The following DTNB variants were observed in gnomAD, a reference collection of about 807,000 sequenced individuals.
DTNB encodes DTN-B.
DTNB carries 63 observed loss-of-function variants against 90.7 expected under a neutral mutation model. That is an observed-to-expected ratio of 0.69 (90% CI 0.57 to 0.86). The LOEUF is 0.86. Ranked by LOEUF, DTNB falls within the 40% of genes least tolerant of loss-of-function variation. The pLI is 0.00. For synonymous variants in DTNB, 277 were observed against 286.7 expected (o/e 0.97, Z 0.34); for missense variants, 744 against 807.1 (o/e 0.92, Z 0.95).
intron 3 of DTNB, among the ~76,000 whole-genome samples, chr2:25,636,687 C>T (rs1017044182): frequency 5.3e-5 from 8 of 152,104 alleles, no homozygotes; most frequent in African/African-American, 1.9e-4. Flanking sequence ...CACATAGATA[C>T]ATCCAGATAT....
intron 8 of DTNB, among the ~76,000 whole-genome samples, chr2:25,542,763 G>C (rs992641687): frequency 6.6e-6 from 1 of 152,072 alleles, no homozygotes; most frequent in Admixed American, 6.6e-5. Flanking sequence ...CGCTGTTTTA[G>C]AAATTTGTTA....
intron 16 of DTNB, among the ~76,000 whole-genome samples, chr2:25,416,812 G>GGAAGGAAGGAAA (rs1553349432): frequency 1.7e-5 from 2 of 118,340 alleles, no homozygotes; most frequent in African/African-American, 6.1e-5. Context: ...AACGAAGGAA[G>GGAAGGAAGGAAA]GAAGGAAGGA....
chr2:25,590,748 G>A (rs1222594221), intron 6 of DTNB, among the ~76,000 whole-genome samples: 2 of 152,218 alleles, frequency 1.3e-5, no homozygotes, highest in Non-Finnish European at 2.9e-5. Flanking sequence ...GCCATGGGTA[G>A]GCTTGGAAAA....
chr2:25,521,115 G>T (rs954314596), intron 9 of DTNB, among the ~76,000 whole-genome samples: 1 of 152,044 alleles, frequency 6.6e-6, no homozygotes, highest in Non-Finnish European at 1.5e-5. Context: ...TATCTTCACC[G>T]CTGCGTGAAA....
chr2:25,479,360 AC>A (rs2150363278), intron 10 of DTNB, among the ~76,000 whole-genome samples: 1 of 152,330 alleles, frequency 6.6e-6, no homozygotes, highest in South Asian at 2.1e-4. Context: ...AGAGGTCTAG[AC>A]GCGGGCCTCC....
chr2:25,408,886 C>T (rs1025603750), intron 16 of DTNB, among the ~76,000 whole-genome samples: 10 of 152,130 alleles, frequency 6.6e-5, no homozygotes, highest in Admixed American at 2.0e-4. Flanking sequence ...CATGATTTGA[C>T]GAAATGCCTC....
At chr2:25,404,447 C>T (rs528236004) in intron 16 of DTNB, among the ~76,000 whole-genome samples, 7 of 152,038 alleles carry the variant, frequency 4.6e-5, no homozygotes, top group Non-Finnish European at 7.4e-5. Flanking sequence ...GGGGGTGAGA[C>T]GGGGCGGTGA....
chr2:25,566,282 C>T (rs988257112), intron 8 of DTNB, among the ~76,000 whole-genome samples: 1 of 152,212 alleles, frequency 6.6e-6, no homozygotes, highest in Non-Finnish European at 1.5e-5. Context: ...CTCAGCACCA[C>T]AGGTGCAACT....
At chr2:25,612,322 A>C (rs951008272) in intron 4 of DTNB, among the ~76,000 whole-genome samples, 1 of 152,180 alleles carries the variant, frequency 6.6e-6, no homozygotes, top group East Asian at 1.9e-4. Context: ...GAGAAAAATA[A>C]TATATTTGTT....
intron 5 of DTNB, among the ~76,000 whole-genome samples, chr2:25,598,191 T>G (rs1212433616): frequency 6.6e-6 from 1 of 152,146 alleles, no homozygotes; most frequent in Non-Finnish European, 1.5e-5. Flanking sequence ...GGCCACTTGT[T>G]CCTTATTCCC....
At chr2:25,614,981 C>A (rs1052477209) in intron 4 of DTNB, among the ~76,000 whole-genome samples, 1 of 152,198 alleles carries the variant, frequency 6.6e-6, no homozygotes, top group African/African-American at 2.4e-5. Flanking sequence ...GACTGCTCCC[C>A]ACTTCAGATA....
At chr2:25,462,488 G>A (rs930505659) in intron 10 of DTNB, among the ~76,000 whole-genome samples, 1 of 152,190 alleles carries the variant, frequency 6.6e-6, no homozygotes, top group Non-Finnish European at 1.5e-5. Flanking sequence ...TTTTAATCCA[G>A]TTGGACAATA....
At chr2:25,397,653 G>A (rs1263961424) in intron 16 of DTNB, among the ~76,000 whole-genome samples, 1 of 152,108 alleles carries the variant, frequency 6.6e-6, no homozygotes, top group Non-Finnish European at 1.5e-5. Context: ...GCCGAGGTAG[G>A]TGCATCACCT....
At chr2:25,477,929 G>A (rs1252211243) in intron 10 of DTNB, among the ~76,000 whole-genome samples, 4 of 150,456 alleles carry the variant, frequency 2.7e-5, no homozygotes, top group African/African-American at 9.8e-5. Flanking sequence ...TGTTAAGTTC[G>A]TTACCACTCA....
At chr2:25,562,419 A>G (rs1489797845) in intron 8 of DTNB, among the ~76,000 whole-genome samples, 2 of 152,190 alleles carry the variant, frequency 1.3e-5, no homozygotes, top group Non-Finnish European at 2.9e-5. Context: ...GGAGACATGT[A>G]TTTTCAGTTC....
intron 12 of DTNB, among the ~76,000 whole-genome samples, chr2:25,438,388 T>C (rs1462963348): frequency 3.3e-5 from 5 of 152,188 alleles, no homozygotes. Flanking sequence ...TTCAAAGCCA[T>C]CCTGGGCTGC....
intron 8 of DTNB, among the ~76,000 whole-genome samples, chr2:25,563,733 A>G (rs763875264): frequency 1.8e-4 from 27 of 152,132 alleles, no homozygotes; most frequent in Admixed American, 6.5e-4. Flanking sequence ...TTGGATGGTC[A>G]TCACCCTCAT....
intron 10 of DTNB, among the ~76,000 whole-genome samples, chr2:25,457,477 T>C (rs1349185981): frequency 1.3e-5 from 2 of 152,204 alleles, no homozygotes; most frequent in Non-Finnish European, 2.9e-5. Flanking sequence ...TGGAAAAAGC[T>C]AGAAAATCTG....
Position 25,547,310 on chromosome 2 carries a change from T to A in DTNB, c.877-15713A>T, listed in dbSNP as rs2082640538. Among the ~76,000 whole-genome samples, 2 of 150,048 alleles carry A rather than the reference T, an allele frequency of 1.3e-5. 1 individual carries two copies. The highest frequency in any genetic ancestry group is 4.2e-4 in the South Asian group (2 of 4,746). On this transcript the variant is annotated intron_variant, in intron 8 of 20. Transcript: ENST00000406818. ...TCTACCACTAAGAGTCATGCACCTG[T>A]ATTCTTTCTTTCCTTTTTTTTTTTT...
Sources: allele counts gnomAD v4.1 joint callset (sites outside exome capture counted in the v4.1 genomes callset), GRCh38; gene constraint gnomAD v4.1.1; transcripts MANE v1.5; gene names NCBI Gene and HGNC (gene_info 2026-07-23, HGNC 2026-07-21).